DCHS2: variants seen among roughly 807,000 people sequenced by gnomAD.
DCHS2 encodes protocadherin-23.
Under a neutral mutation model 182.4 loss-of-function variants are expected in DCHS2, and 142 were observed. That is an observed-to-expected ratio of 0.78 (90% CI 0.68 to 0.89). The LOEUF (loss-of-function observed/expected upper bound fraction) is 0.89, where lower values mean the gene tolerates loss of function less well. DCHS2 is among the 40% of genes least tolerant of loss of function. The probability of loss-of-function intolerance (pLI) is 0.00; values close to 1 mark genes in which losing one functional copy is unlikely to be tolerated. For missense variants in DCHS2, 4,319 were observed against 4,198.6 expected (o/e 1.03, Z -0.79); for synonymous variants, 1,740 against 1,663.3 (o/e 1.05, Z -1.12).
At position 154,240,815 on chromosome 4, in the gene DCHS2, G is replaced by A; in HGVS notation, c.7081C>T (p.Pro2361Ser). The A allele has an allele frequency of 1.2e-6, 2 of 1,613,370 alleles. No individual in the cohort carries two copies. The highest frequency in any genetic ancestry group is 1.7e-6 in the Non-Finnish European group (2 of 1,179,718). Residue 2361 changes from proline (P) to serine (S), a missense_variant, in exon 18 of 20, where the codon CCT (proline) becomes TCT (serine). Coordinates refer to ENST00000357232, the MANE Select transcript of DCHS2 (RefSeq NM_001358235.2). ...EAVEITEDSL[P>S]GVIVTHVSVH... ...GACACATGAGTCACAATTACACCAG[G>A]CAAAGAATCTGAAATAGTCATGACC...
intron 1 of DCHS2, among the ~76,000 whole-genome samples, chr4:154,452,371 C>T (rs1734570391): frequency 6.6e-6 from 1 of 152,156 alleles, no homozygotes; most frequent in Non-Finnish European, 1.5e-5. Context: ...AGGCTGTAAT[C>T]CCAGCAATTT....
chr4:154,234,356 C>A lies in DCHS2; in HGVS notation c.*180G>T. 1.2e-6 allele frequency: 1 copy of A among 845,976 alleles called. No homozygotes were observed. Among genetic ancestry groups the A allele is most frequent in the South Asian group, 2.1e-5 (1 of 46,738 alleles). 52.4% of individuals were successfully genotyped at this position (845,976 alleles called of 1,614,324 possible). ...ACATAAGGATTAAAAGAGGAAATAA[C>A]TTTTCATTAAGGCTGGAAGAAATTG... On this transcript the variant is annotated 3_prime_UTR_variant, in exon 20 of 20. Transcript: ENST00000357232.
chr4:154,467,521 T>A (rs1026668691), intron 1 of DCHS2, among the ~76,000 whole-genome samples: 1 of 152,122 alleles, frequency 6.6e-6, no homozygotes, highest in Non-Finnish European at 1.5e-5. Context: ...ATGAAAATAT[T>A]CAAAAGAAGC....
chr4:154,259,032 T>A (rs561906970), intron 15 of DCHS2, among the ~76,000 whole-genome samples: 1 of 152,176 alleles, frequency 6.6e-6, no homozygotes, highest in Admixed American at 6.5e-5. Context: ...CAAGGATGGG[T>A]GGGTTTTACA....
At chr4:154,334,785 T>A in intron 4 of DCHS2, 83 bp downstream of exon 4, 3 of 1,127,038 alleles carry the variant, frequency 2.7e-6, no homozygotes, top group Non-Finnish European at 3.9e-6. Context: ...AAGAAAAAAA[T>A]TATTCAAGAT....
intron 17 of DCHS2, 44 bp from the exon 18 acceptor site, chr4:154,240,867 C>A (rs775418960): frequency 8.8e-6 from 14 of 1,597,012 alleles, no homozygotes; most frequent in South Asian, 3.4e-5. Flanking sequence ...AAAATTCATC[C>A]TTTGAAATAC....
intron 13 of DCHS2, among the ~76,000 whole-genome samples, chr4:154,293,027 C>T (rs1247466763): frequency 1.3e-5 from 2 of 152,186 alleles, no homozygotes; most frequent in Non-Finnish European, 2.9e-5. Context: ...ATTATTTGAT[C>T]AACTCCTGTA....
In DCHS2 at chr4:154,235,318, C is replaced by T. The variant is rs774958409; in HGVS notation, c.9334G>A (p.Glu3112Lys). Residue 3112 changes from glutamate (E) to lysine (K), a missense_variant, in exon 20 of 20, where the codon GAG (glutamate) becomes AAG (lysine). Physicochemically the swap from Glu to Lys is moderately conservative, Grantham distance 56. Coordinates refer to ENST00000357232, the MANE Select transcript of DCHS2 (RefSeq NM_001358235.2). ...AEDKEIQRIN[E>K]HPYRKCSDSA... is the part of the protein sequence containing the mutation. ...TCTGAGCACTTTCTGTAGGGATGCT[C>T]ATTTATCCTCTGGATTTCCTTATCT... The T allele has an allele frequency of 1.6e-5, 26 of 1,613,942 alleles. No homozygotes were observed. The highest frequency in any genetic ancestry group is 6.7e-5 in the Admixed American group (4 of 59,990).
intron 1 of DCHS2, among the ~76,000 whole-genome samples, chr4:154,415,026 CT>C (rs1732779082): frequency 6.6e-6 from 1 of 152,180 alleles, no homozygotes; most frequent in African/African-American, 2.4e-5. Flanking sequence ...AGGTTCACCC[CT>C]GTAACATACT....
rs1232321542 is a variant in DCHS2, at chr4:154,377,393, G to A, written c.2104C>T (p.Leu702Phe). 16 of 1,613,446 alleles carry A rather than the reference G, an allele frequency of 9.9e-6. No individual in the cohort carries two copies. The highest frequency in any genetic ancestry group is 1.3e-5 in the African/African-American group (1 of 74,884). Residue 702 changes from leucine (L) to phenylalanine (F), a missense_variant, in exon 2 of 20, where the codon CTT (leucine) becomes TTT (phenylalanine). Physicochemically the swap from Leu to Phe is conservative, Grantham distance 22 (BLOSUM62 0). Coordinates refer to ENST00000357232, the MANE Select transcript of DCHS2 (RefSeq NM_001358235.2). ...SGLYGFIEYS[L>F]YDGFLSYEAP... ...TCATAGCTCAGGAATCCATCATAAA[G>A]AGAATATTCAATAAAGCCATAGAGT...
At chr4:154,414,745 G>T (rs114256572) in intron 1 of DCHS2, among the ~76,000 whole-genome samples, 4,819 of 152,200 alleles carry the variant, frequency 0.032, 105 homozygotes, top group Non-Finnish European at 0.048. Flanking sequence ...ATATGTAAAA[G>T]TTGATTTAGG....
At position 154,334,971 on chromosome 4, in the gene DCHS2, A is replaced by G. The variant is rs771371884; in HGVS notation, c.2610T>C (p.Thr870=). Residue 870 remains threonine, a synonymous_variant, in exon 4 of 20, where the codon ACT becomes ACC. Coordinates refer to ENST00000357232, the MANE Select transcript of DCHS2 (RefSeq NM_001358235.2). ...ADVTIHIFQT[T]LAPAEFERPK... ...GCCTTTCAAACTCAGCAGGTGCCAG[A>G]GTTGTCTGGAAAATGTGTATGGTGA... The G allele has an allele frequency of 2.5e-6, 4 of 1,614,192 alleles. No homozygotes were observed. The highest frequency in any genetic ancestry group is 3.4e-6 in the Non-Finnish European group (4 of 1,180,022).
At chr4:154,296,158 G>A (rs527389627) in intron 13 of DCHS2, among the ~76,000 whole-genome samples, 2 of 152,164 alleles carry the variant, frequency 1.3e-5, no homozygotes, top group Non-Finnish European at 2.9e-5. Flanking sequence ...TTCTTATCAT[G>A]ACAATCAAAG....
At chr4:154,356,603 T>A (rs1729883038) in intron 3 of DCHS2, among the ~76,000 whole-genome samples, 1 of 152,166 alleles carries the variant, frequency 6.6e-6, no homozygotes, top group Non-Finnish European at 1.5e-5. Context: ...TAATATTCCC[T>A]TTTTACTCTA....
chr4:154,364,715 A>T lies in DCHS2; in HGVS notation c.2476+1495T>A, dbSNP rs541117321. Among the ~76,000 whole-genome samples, 18 of 152,272 alleles carry T rather than the reference A, an allele frequency of 1.2e-4. No homozygotes were observed. In the South Asian group the frequency reaches 3.7e-3, roughly 32 times the overall value. ...GCTGGGTGAGAGGGCACACTCACAT[A>T]GCACATTAGATTTCCTGTGTAAATT... is the stretch of plus-strand genomic sequence containing the variant. On this transcript the variant is annotated intron_variant, in intron 3 of 19. Coordinates refer to ENST00000357232, the MANE Select transcript of DCHS2 (RefSeq NM_001358235.2).
At chr4:154,437,690 G>C (rs1320933224) in intron 1 of DCHS2, among the ~76,000 whole-genome samples, 1 of 151,954 alleles carries the variant, frequency 6.6e-6, no homozygotes, top group Non-Finnish European at 1.5e-5. Context: ...GGCTTACTTT[G>C]TTCTTCCTTG....
chr4:154,468,712 T>G (rs1735336647), intron 1 of DCHS2, among the ~76,000 whole-genome samples: 1 of 152,178 alleles, frequency 6.6e-6, no homozygotes, highest in Admixed American at 6.5e-5. Flanking sequence ...TTTATTAAAT[T>G]TATTCACTGA....
chr4:154,375,573 G>GA (rs952963024), intron 2 of DCHS2, among the ~76,000 whole-genome samples: 3 of 151,274 alleles, frequency 2.0e-5, no homozygotes, highest in East Asian at 1.9e-4. Context: ...CAATAAACAT[G>GA]AAAAAAAACC....
intron 13 of DCHS2, among the ~76,000 whole-genome samples, chr4:154,288,521 T>A (rs919603306): frequency 1.1e-4 from 16 of 151,918 alleles, no homozygotes; most frequent in African/African-American, 3.6e-4. Context: ...AGACAGACAA[T>A]CAACAAGGAA....
Sources: gnomAD v4.1 joint callset for allele counts (sites outside exome capture counted in the v4.1 genomes callset) on GRCh38, gnomAD v4.1.1 for gene constraint, MANE v1.5 for transcripts, NCBI Gene and HGNC (gene_info 2026-07-23, HGNC 2026-07-21) for gene names.